GAB1: variants seen among roughly 807,000 people sequenced by gnomAD.
GAB1 encodes the protein GRB2-associated-binding protein 1.
Under a neutral mutation model 66.5 loss-of-function variants are expected in GAB1, and 19 were observed. That is an observed-to-expected ratio of 0.29 (90% CI 0.20 to 0.42). The LOEUF (loss-of-function observed/expected upper bound fraction) is 0.42, where lower values mean the gene tolerates loss of function less well. Among genes scored for constraint, GAB1 ranks in the 10% least tolerant of loss-of-function variants. The pLI is 1.00. For missense variants in GAB1, 732 were observed against 858.5 expected (o/e 0.85, Z 1.84); for synonymous variants, 294 against 301.4 (o/e 0.98, Z 0.25).
At chr4:143,416,462 A>C (rs1732696229) in intron 2 of GAB1, among the ~76,000 whole-genome samples, 1 of 151,354 alleles carries the variant, frequency 6.6e-6, no homozygotes, top group African/African-American at 2.4e-5. Context: ...CTATTTAAAA[A>C]TATATTTTAA....
At chr4:143,412,869 T>G (rs1732470060) in intron 1 of GAB1, among the ~76,000 whole-genome samples, 1 of 152,162 alleles carries the variant, frequency 6.6e-6, no homozygotes, top group African/African-American at 2.4e-5. Flanking sequence ...GACAGGAAAC[T>G]GTATTTAAAA....
chr4:143,409,937 T>C (rs1198902858), intron 1 of GAB1, among the ~76,000 whole-genome samples: 1 of 152,180 alleles, frequency 6.6e-6, no homozygotes, highest in Admixed American at 6.5e-5. Context: ...TCTATGGTTC[T>C]TAATCATGGT....
At chr4:143,367,710 C>T (rs1729943279) in intron 1 of GAB1, among the ~76,000 whole-genome samples, 1 of 142,334 alleles carries the variant, frequency 7.0e-6, no homozygotes, top group South Asian at 2.3e-4. Context: ...AAGTGCAAAT[C>T]AGATGAGGGT....
intron 1 of GAB1, among the ~76,000 whole-genome samples, chr4:143,385,395 C>T (rs962160892): frequency 1.3e-5 from 2 of 152,096 alleles, no homozygotes; most frequent in African/African-American, 2.4e-5. Context: ...GAGCTAAACT[C>T]GAATATGCAA....
At chr4:143,403,081 TATCTA>T (rs1369853544) in intron 1 of GAB1, among the ~76,000 whole-genome samples, 6 of 152,240 alleles carry the variant, frequency 3.9e-5, no homozygotes, top group Admixed American at 6.5e-5. Context: ...GCACATGGTC[TATCTA>T]ATCTATCTAT....
intron 6 of GAB1, among the ~76,000 whole-genome samples, chr4:143,448,829 T>G (rs1373259719): frequency 6.6e-6 from 1 of 151,000 alleles, no homozygotes; most frequent in African/African-American, 2.4e-5. Context: ...TGCCTTCTGC[T>G]AGCTTTTGAA....
chr4:143,413,824 C>CCTTTTTTTTTTTT (rs61697817), intron 1 of GAB1, among the ~76,000 whole-genome samples: 5 of 67,826 alleles, frequency 7.4e-5, no homozygotes, highest in African/African-American at 4.7e-4. Context: ...CCCCGCTGCC[C>CCTTTTTTTTTTTT]TTTTTTTTTT....
intron 2 of GAB1, among the ~76,000 whole-genome samples, chr4:143,429,232 A>T (rs1353964472): frequency 1.3e-5 from 2 of 152,056 alleles, no homozygotes; most frequent in East Asian, 3.9e-4. Context: ...CCTCCTGAAC[A>T]GCTGGTACTA....
Position 143,337,813 on chromosome 4 carries a change from G to A in GAB1, c.72+553G>A, listed in dbSNP as rs572905967. Among the ~76,000 whole-genome samples the A allele has an allele frequency of 2.6e-5, 4 of 152,314 alleles. No homozygotes were observed. The East Asian group carries it at 5.8e-4, about 22-fold the overall frequency. ...ATATCGAACGCGCGCAAAAGGGAAAGAAAGAAAAGTTATTACGCGCCCTGC... is the reference window on the plus strand; with the variant it reads ...ATATCGAACGCGCGCAAAAGGGAAAAAAAGAAAAGTTATTACGCGCCCTGC... On this transcript the variant is annotated intron_variant, in intron 1 of 9. Transcript: ENST00000262994.
chr4:143,436,507 C>T (rs763070219), intron 3 of GAB1, among the ~76,000 whole-genome samples: 39 of 152,088 alleles, frequency 2.6e-4, no homozygotes, highest in Non-Finnish European at 4.1e-4. Context: ...AGAGGAAATT[C>T]CACTAAGGAG....
chr4:143,433,845 T>A, intron 3 of GAB1, 129 bp downstream of exon 3: 1 of 717,660 alleles, frequency 1.4e-6, no homozygotes, highest in Non-Finnish European at 2.3e-6. Context: ...TATAGGCATA[T>A]GTTTCAGGCT....
chr4:143,342,806 G>A (rs1183610064), intron 1 of GAB1, among the ~76,000 whole-genome samples: 2 of 151,508 alleles, frequency 1.3e-5, no homozygotes, highest in South Asian at 2.1e-4. Flanking sequence ...CAGGTGATCC[G>A]CCCGCCTCAG....
At chr4:143,360,473 A>C (rs975218325) in intron 1 of GAB1, among the ~76,000 whole-genome samples, 8 of 152,178 alleles carry the variant, frequency 5.3e-5, no homozygotes, top group Non-Finnish European at 1.0e-4. Context: ...GAAGATTGAG[A>C]TCTTTAAAGG....
rs770946668 is a variant in GAB1 at position 143,472,399 on chromosome 4, T to G, written c.*3210T>G. 1 of 152,198 alleles carries G rather than the reference T, an allele frequency of 6.6e-6. No individual in the cohort carries two copies. Among genetic ancestry groups the G allele is most frequent in the Non-Finnish European group, 1.5e-5 (1 of 68,030 alleles). The allele number at this position is 152,198 out of a possible 1,614,324, so 9.4% of individuals were successfully genotyped here. A position where few individuals can be genotyped will look rare whatever the true frequency, so the allele number is the denominator to read the frequency against. On this transcript the variant is annotated 3_prime_UTR_variant, in exon 10 of 10. Coordinates refer to ENST00000262994, the MANE Select transcript of GAB1 (RefSeq NM_002039.4). ...TCTTTTATATTTAATTAATGGGGAT[T>G]ATAGTCTTCCTTCATAAATGCATTT... is the stretch of plus-strand genomic sequence containing the variant.
intron 1 of GAB1, among the ~76,000 whole-genome samples, chr4:143,389,952 G>A (rs1731104408): frequency 6.6e-6 from 1 of 152,170 alleles, no homozygotes; most frequent in South Asian, 2.1e-4. Flanking sequence ...AGCTTTAAAA[G>A]TTTGGGAGGA....
At chr4:143,394,484 C>A (rs1295450587) in intron 1 of GAB1, among the ~76,000 whole-genome samples, 2 of 152,128 alleles carry the variant, frequency 1.3e-5, no homozygotes, top group African/African-American at 2.4e-5. Context: ...AAATTTTTAT[C>A]ATCAAGTAAT....
intron 1 of GAB1, among the ~76,000 whole-genome samples, chr4:143,358,394 G>A (rs967625741): frequency 1.3e-5 from 2 of 152,034 alleles, no homozygotes; most frequent in East Asian, 1.9e-4. Context: ...ATGTTGTTTC[G>A]GTATTTTTCT....
chr4:143,443,355 G>C (rs761202749), intron 6 of GAB1, among the ~76,000 whole-genome samples: 24 of 152,210 alleles, frequency 1.6e-4, no homozygotes, highest in Non-Finnish European at 2.5e-4. Context: ...ATACAGGAGA[G>C]GAGGCTTGAG....
intron 1 of GAB1, among the ~76,000 whole-genome samples, chr4:143,412,178 G>C (rs1413706995): frequency 6.6e-6 from 1 of 152,162 alleles, no homozygotes; most frequent in Admixed American, 6.5e-5. Flanking sequence ...TGGATGGGGG[G>C]GAGCCACAGT....
Sources: allele counts gnomAD v4.1 joint callset (sites outside exome capture counted in the v4.1 genomes callset), GRCh38; gene constraint gnomAD v4.1.1; transcripts MANE v1.5; gene names NCBI Gene and HGNC (gene_info 2026-07-23, HGNC 2026-07-21).